The following NMNAT2 variants were observed in gnomAD, a reference collection of about 807,000 sequenced individuals.
The protein encoded by NMNAT2 is nicotinamide nucleotide adenylyltransferase 2, also known as nicotinamide/nicotinic acid mononucleotide adenylyltransferase 2.
Under a neutral mutation model 41.6 loss-of-function variants are expected in NMNAT2, and 11 were observed. The ratio of observed to expected loss-of-function variants is 0.26; its 90% CI spans 0.17 to 0.44. The LOEUF (loss-of-function observed/expected upper bound fraction) is 0.44. Ranked by LOEUF, NMNAT2 falls within the 20% of genes least tolerant of loss-of-function variation. NMNAT2 has a pLI of 1.00. For synonymous variants in NMNAT2, 148 were observed against 151.2 expected, an observed-to-expected ratio of 0.98 and a Z score of 0.16; for missense variants, 288 against 407.7, an observed-to-expected ratio of 0.71 and a Z score of 2.53.
chr1:183,379,365 G>T (rs1663753890), intron 1 of NMNAT2, among the ~76,000 whole-genome samples: 2 of 151,790 alleles, frequency 1.3e-5, no homozygotes, highest in Admixed American at 6.6e-5. Context: ...GTTTTTTGTA[G>T]AGATGAGGTC....
intron 1 of NMNAT2, among the ~76,000 whole-genome samples, chr1:183,341,676 G>GAA (rs201124081): frequency 5.6e-5 from 1 of 17,990 alleles, no homozygotes; most frequent in Non-Finnish European, 1.0e-4. Context: ...GGTCAATAGA[G>GAA]AAAAAAAAAA....
chr1:183,391,084 A>C (rs1648468825), intron 1 of NMNAT2, among the ~76,000 whole-genome samples: 1 of 152,182 alleles, frequency 6.6e-6, no homozygotes, highest in Admixed American at 6.5e-5. Context: ...GAGTTCCCTC[A>C]CTGGAACTAA....
chr1:183,344,765 C>G (rs918183902), intron 1 of NMNAT2, among the ~76,000 whole-genome samples: 1 of 152,190 alleles, frequency 6.6e-6, no homozygotes, highest in African/African-American at 2.4e-5. Context: ...AAGTACGAGG[C>G]ATTTAAAACC....
At chr1:183,304,587 C>G (rs913208358) in intron 1 of NMNAT2, 1 of 1,309,934 alleles carries the variant, frequency 7.6e-7, no homozygotes, top group Non-Finnish European at 1.1e-6. Context: ...CCGCTGGAGA[C>G]AGAATCCTGT....
chr1:183,359,812 G>C (rs1263806019), intron 1 of NMNAT2, among the ~76,000 whole-genome samples: 3 of 152,138 alleles, frequency 2.0e-5, no homozygotes, highest in Non-Finnish European at 4.4e-5. Flanking sequence ...GCCCTGGGAG[G>C]CATTTGTTCT....
At chr1:183,321,888 A>G (rs896030405) in intron 1 of NMNAT2, among the ~76,000 whole-genome samples, 1 of 152,144 alleles carries the variant, frequency 6.6e-6, no homozygotes, top group African/African-American at 2.4e-5. Flanking sequence ...GTGCGATCAC[A>G]GCTCACTGCA....
intron 1 of NMNAT2, among the ~76,000 whole-genome samples, chr1:183,403,002 C>T (rs968918858): frequency 1.3e-4 from 19 of 150,768 alleles, no homozygotes; most frequent in South Asian, 2.1e-4. Context: ...GACGTGATCT[C>T]GGCTCACTGC....
intron 1 of NMNAT2, among the ~76,000 whole-genome samples, chr1:183,354,087 CT>C (rs1193537010): frequency 2.0e-5 from 3 of 152,134 alleles, no homozygotes; most frequent in Non-Finnish European, 4.4e-5. Flanking sequence ...CTGGACAATC[CT>C]TTTTCCCCAC....
chr1:183,389,095 T>C (rs527827590), intron 1 of NMNAT2, among the ~76,000 whole-genome samples: 1 of 152,260 alleles, frequency 6.6e-6, no homozygotes, highest in African/African-American at 2.4e-5. Context: ...TCCCTAAATC[T>C]TCATCAGGTA....
At chr1:183,280,718 T>G (rs1047674096) in intron 7 of NMNAT2, among the ~76,000 whole-genome samples, 5 of 151,562 alleles carry the variant, frequency 3.3e-5, no homozygotes, top group African/African-American at 4.8e-5. Context: ...TATGAGATTT[T>G]TTTTTGGCGA....
intron 1 of NMNAT2, among the ~76,000 whole-genome samples, chr1:183,299,952 A>G (rs568732483): frequency 1.3e-5 from 2 of 152,244 alleles, no homozygotes; most frequent in Non-Finnish European, 2.9e-5. Flanking sequence ...TCCAAAATTC[A>G]TATGCTGAAA....
chr1:183,331,932 C>T (rs1482071892), intron 1 of NMNAT2, among the ~76,000 whole-genome samples: 2 of 152,150 alleles, frequency 1.3e-5, no homozygotes, highest in Non-Finnish European at 2.9e-5. Flanking sequence ...TCTAGGTGCT[C>T]GCCACCACGC....
chr1:183,269,311 G>A (rs758810749), intron 8 of NMNAT2, among the ~76,000 whole-genome samples: 14 of 152,308 alleles, frequency 9.2e-5, no homozygotes, highest in Non-Finnish European at 2.1e-4. Flanking sequence ...CAAGTACCAG[G>A]TCATCATGAA....
chr1:183,334,512 C>T (rs1662644653), intron 1 of NMNAT2, among the ~76,000 whole-genome samples: 1 of 151,982 alleles, frequency 6.6e-6, no homozygotes. Flanking sequence ...CAAGGCCACC[C>T]ATTCTTTTTT....
chr1:183,341,725 C>CAAAAAAAAAAAAAAAAAAAAAA (rs762935303), intron 1 of NMNAT2, among the ~76,000 whole-genome samples: 248 of 22,194 alleles, frequency 0.011, 45 homozygotes, highest in Middle Eastern at 0.056. Flanking sequence ...AAACAAACAC[C>CAAAAAAAAAAAAAAAAAAAAAA]AAAAAAAAAA....
intron 1 of NMNAT2, among the ~76,000 whole-genome samples, chr1:183,373,728 C>T (rs1421650141): frequency 6.6e-6 from 1 of 151,816 alleles, no homozygotes; most frequent in Non-Finnish European, 1.5e-5. Context: ...AGTGATTCTC[C>T]TCTCTCAGCC....
At chr1:183,293,960 G>A (rs1190354865) in intron 1 of NMNAT2, among the ~76,000 whole-genome samples, 167 bp from the exon 2 acceptor site, 2 of 152,108 alleles carry the variant, frequency 1.3e-5, no homozygotes, top group Admixed American at 1.3e-4. Context: ...TGATTCAAAA[G>A]GTTACAGAAC....
intron 1 of NMNAT2, among the ~76,000 whole-genome samples, chr1:183,372,420 C>A (rs1250007385): frequency 6.6e-6 from 1 of 152,092 alleles, no homozygotes; most frequent in Non-Finnish European, 1.5e-5. Flanking sequence ...AGAGACTGAG[C>A]AAGGGAGTGG....
chr1:183,293,828 G>A, intron 1 of NMNAT2, 35 bp from the exon 2 acceptor site: 1 of 1,428,636 alleles, frequency 7.0e-7, no homozygotes, highest in East Asian at 2.3e-5. Flanking sequence ...ATTATAAAGA[G>A]GAAAGGCATG....
Sources: gnomAD v4.1 joint callset for allele counts (sites outside exome capture counted in the v4.1 genomes callset) on GRCh38, gnomAD v4.1.1 for gene constraint, MANE v1.5 for transcripts, NCBI Gene and HGNC (gene_info 2026-07-23, HGNC 2026-07-21) for gene names.